FMN1: variants seen among roughly 807,000 people sequenced by gnomAD.
FMN1 encodes the protein formin-1.
In FMN1, 110 loss-of-function variants were observed where a neutral mutation model predicts 132.4. That is an observed-to-expected ratio of 0.83 (90% confidence interval 0.71 to 0.97). The LOEUF (loss-of-function observed/expected upper bound fraction) is 0.97, where lower values mean the gene tolerates loss of function less well. FMN1 is among the 50% of genes least tolerant of loss of function. The pLI, the probability that FMN1 is intolerant of heterozygous loss-of-function variation, is 0.00. For missense variants in FMN1, 1,792 were observed against 1,705.3 expected (o/e 1.05, Z -0.90); for synonymous variants, 722 against 651.7 (o/e 1.11, Z -1.64).
In FMN1 at chr15:32,889,956, T is replaced by C. The variant is rs577853089; in HGVS notation, c.3715-1664A>G. On this transcript the variant is annotated intron_variant, in intron 15 of 20. Transcript: ENST00000616417. ...CTTATCCCCAAGTTCCCACAGTCCA[T>C]TGTATCATTCCTATGCCTTTGCATC... Among the ~76,000 whole-genome samples, 111 of 152,294 alleles carry C rather than the reference T, an allele frequency of 7.3e-4. 1 individual carries two copies. Among genetic ancestry groups the C allele is most frequent in the Non-Finnish European group, 1.2e-3 (79 of 68,018 alleles).
At position 32,773,827 on chromosome 15, in the gene FMN1, A is replaced by C. The variant is rs745345244; in HGVS notation, c.*483T>G. 2 of 160,216 alleles carry C rather than the reference A, an allele frequency of 1.2e-5. No individual in the cohort carries two copies. The highest frequency in any genetic ancestry group is 2.4e-5 in the African/African-American group (1 of 41,494). 9.9% of individuals were successfully genotyped at this position (160,216 alleles called of 1,614,324 possible). On this transcript the variant is annotated 3_prime_UTR_variant, in exon 21 of 21. Transcript: ENST00000616417. ...AGTTGCAACATTATTGGAGAGAAAG[A>C]TGCTGCAGGATTTTGCTGCAACAGG...
Position 32,908,518 on chromosome 15 carries a change from C to T in FMN1, c.3349G>A (p.Glu1117Lys), listed in dbSNP as rs767651978. The T allele has an allele frequency of 2.5e-6, 4 of 1,602,418 alleles. No individual in the cohort carries two copies. The Admixed American group carries it at 5.1e-5, about 20-fold the overall frequency. ...TCAGGTTTATCCAGCAGCTTCAGTT[C>T]TTCTTCTTTGGATGTCTCGTAATAC... ...RKYYETSKEE[E>K]LKLLDKPEQF... Residue 1117 changes from glutamate to lysine, a missense_variant, in exon 12 of 21, where the codon GAA becomes AAA. Glu to Lys is a moderately conservative substitution (Grantham distance 56). Around this residue, in one of 3 missense-constraint regions of FMN1, gnomAD observed 1,150 missense variants for 1,043.1 expected, o/e 1.10. Transcript: ENST00000616417.
At chr15:32,790,568 G>T (rs1165208053) in intron 19 of FMN1, among the ~76,000 whole-genome samples, 1 of 152,166 alleles carries the variant, frequency 6.6e-6, no homozygotes, top group African/African-American at 2.4e-5. Flanking sequence ...TTTTTACAAT[G>T]ACCTCCAGGT....
At chr15:32,853,628 A>C (rs2059059152) in intron 17 of FMN1, among the ~76,000 whole-genome samples, 1 of 152,152 alleles carries the variant, frequency 6.6e-6, no homozygotes, top group Non-Finnish European at 1.5e-5. Context: ...GAGAGGAGAT[A>C]CTCCATTTGT....
intron 2 of FMN1, among the ~76,000 whole-genome samples, chr15:33,183,708 C>G (rs1432598114): frequency 6.6e-6 from 1 of 152,088 alleles, no homozygotes; most frequent in East Asian, 1.9e-4. Flanking sequence ...GTTGTATGCA[C>G]TAAATTCATT....
intron 17 of FMN1, among the ~76,000 whole-genome samples, chr15:32,809,537 C>T (rs2057800762): frequency 6.6e-6 from 1 of 152,286 alleles, no homozygotes; most frequent in Admixed American, 6.5e-5. Context: ...CATGGCTGGT[C>T]TCTGGACTTA....
intron 9 of FMN1, among the ~76,000 whole-genome samples, chr15:32,938,189 A>T (rs2140425526): frequency 6.6e-6 from 1 of 152,180 alleles, no homozygotes. Flanking sequence ...TTCTAAAAAC[A>T]TCACATCATT....
intron 17 of FMN1, among the ~76,000 whole-genome samples, chr15:32,829,824 T>C (rs567967013): frequency 6.6e-6 from 1 of 152,296 alleles, no homozygotes; most frequent in African/African-American, 2.4e-5. Context: ...TATATCTAGA[T>C]AGAACTCTTC....
At chr15:33,107,393 C>T (rs1472625037) in intron 4 of FMN1, among the ~76,000 whole-genome samples, 2 of 152,048 alleles carry the variant, frequency 1.3e-5, no homozygotes, top group Non-Finnish European at 2.9e-5. Context: ...AGATCAAAAT[C>T]CTCCAGTGGC....
At chr15:32,958,547 GAT>G (rs1302380381) in intron 9 of FMN1, among the ~76,000 whole-genome samples, 2 of 139,232 alleles carry the variant, frequency 1.4e-5, no homozygotes, top group Non-Finnish European at 3.1e-5. Context: ...AGTTTGAGAA[GAT>G]ATACATACAT....
At chr15:33,162,838 C>T (rs1200537554) in intron 3 of FMN1, among the ~76,000 whole-genome samples, 2 of 152,132 alleles carry the variant, frequency 1.3e-5, no homozygotes, top group East Asian at 3.9e-4. Flanking sequence ...TGTTACAGGC[C>T]GGGCGTGGTG....
chr15:32,950,006 T>TACAC lies in FMN1; in HGVS notation c.3138+14100_3138+14101insGTGT, dbSNP rs1596329884. On this transcript the variant is annotated intron_variant, in intron 9 of 20. Coordinates refer to ENST00000616417, the MANE Select transcript of FMN1 (RefSeq NM_001277313.2). ...ACACACATATATATACACATACACATATATATATACACATATATATATATA... is the reference window on the plus strand; with the variant it reads ...ACACACATATATATACACATACACATACACATATATATACACATATATATATATA... Among the ~76,000 whole-genome samples the TACAC allele has an allele frequency of 1.6e-4, 3 of 19,172 alleles. 1 individual carries two copies. Among genetic ancestry groups the TACAC allele is most frequent in the South Asian group, 2.1e-3 (1 of 480 alleles). 12.6% of individuals were successfully genotyped at this position (19,172 alleles called of 152,430 possible). A position where few individuals can be genotyped will look rare whatever the true frequency, so the allele number is the denominator to read the frequency against.
intron 7 of FMN1, among the ~76,000 whole-genome samples, chr15:33,000,360 A>G (rs2034024068): frequency 1.3e-5 from 2 of 150,490 alleles, no homozygotes; most frequent in African/African-American, 2.4e-5. Context: ...GAGGCAGGAG[A>G]ATGGCGTGAA....
intron 17 of FMN1, among the ~76,000 whole-genome samples, chr15:32,854,914 CA>C (rs202139764): frequency 1.1e-4 from 14 of 132,888 alleles, no homozygotes; most frequent in African/African-American, 1.5e-4. Flanking sequence ...AACTCCACCT[CA>C]AAAAAAAAAA....
intron 9 of FMN1, among the ~76,000 whole-genome samples, chr15:32,959,398 T>G (rs369114554): frequency 6.7e-4 from 102 of 152,326 alleles, no homozygotes; most frequent in Middle Eastern, 3.4e-3. Context: ...GAGCAAAGAT[T>G]ATAGGAGGCA....
intron 4 of FMN1, among the ~76,000 whole-genome samples, chr15:33,120,787 T>C (rs1023660783): frequency 6.6e-5 from 10 of 152,220 alleles, no homozygotes; most frequent in Non-Finnish European, 1.3e-4. Context: ...TTTGGTTTTT[T>C]TAATCCTATG....
chr15:33,036,559 A>G (rs571536215), intron 6 of FMN1, among the ~76,000 whole-genome samples: 1 of 152,234 alleles, frequency 6.6e-6, no homozygotes, highest in African/African-American at 2.4e-5. Context: ...AATGGTACAC[A>G]ATATTGGTTC....
chr15:33,109,675 G>A (rs1261707521), intron 4 of FMN1, among the ~76,000 whole-genome samples: 3 of 151,826 alleles, frequency 2.0e-5, no homozygotes, highest in Non-Finnish European at 4.4e-5. Flanking sequence ...AACAAATACT[G>A]GGGCATACTT....
intron 16 of FMN1, among the ~76,000 whole-genome samples, chr15:32,879,991 C>T (rs1227194169): frequency 6.6e-6 from 1 of 152,114 alleles, no homozygotes; most frequent in Non-Finnish European, 1.5e-5. Flanking sequence ...GAGGCTACCT[C>T]TTTTACCAAT....
Sources: gnomAD v4.1 joint callset for allele counts (sites outside exome capture counted in the v4.1 genomes callset) on GRCh38, gnomAD v4.1.1 for gene constraint, gnomAD v4.1.1 regional missense constraint, MANE v1.5 for transcripts, NCBI Gene and HGNC (gene_info 2026-07-23, HGNC 2026-07-21) for gene names.